RASEF: variants seen among roughly 807,000 people sequenced by gnomAD.
The protein encoded by RASEF is ras and EF-hand domain-containing protein.
In RASEF, 68 loss-of-function variants were observed where a neutral mutation model predicts 90.1. That is an observed-to-expected ratio of 0.75 (90% CI 0.62 to 0.92). RASEF has a LOEUF of 0.92. RASEF is among the 40% of genes least tolerant of loss of function. The pLI, the probability that RASEF is intolerant of heterozygous loss-of-function variation, is 0.00. For missense variants in RASEF, 949 were observed against 937.2 expected (o/e 1.01, Z -0.16); for synonymous variants, 331 against 345.2 (o/e 0.96, Z 0.46).
At chr9:83,060,800 G>A (rs1255909103) in intron 1 of RASEF, among the ~76,000 whole-genome samples, 1 of 152,192 alleles carries the variant, frequency 6.6e-6, no homozygotes, top group Non-Finnish European at 1.5e-5. Flanking sequence ...TCTCACATCA[G>A]GAGGTGAGGC....
chr9:83,169,205 A>T, the RASEF span, among the ~76,000 whole-genome samples: 1 of 151,814 alleles, frequency 6.6e-6, no homozygotes, highest in African/African-American at 2.4e-5. Context: ...TGGCTGAAAA[A>T]TTTTCCATTG....
the RASEF span, among the ~76,000 whole-genome samples, chr9:83,198,013 T>A: frequency 5.3e-5 from 8 of 152,178 alleles, no homozygotes; most frequent in Non-Finnish European, 1.0e-4. Flanking sequence ...AATGTGTACA[T>A]CTCCTCGATG....
intron 4 of RASEF, among the ~76,000 whole-genome samples, chr9:83,013,825 G>A (rs1268081134): frequency 2.0e-5 from 3 of 152,156 alleles, no homozygotes; most frequent in African/African-American, 7.2e-5. Flanking sequence ...GAACTGCAAA[G>A]TCAATAAAAT....
chr9:82,990,040 T>C (rs1372182969), intron 16 of RASEF, among the ~76,000 whole-genome samples: 3 of 152,218 alleles, frequency 2.0e-5, no homozygotes, highest in African/African-American at 7.2e-5. Flanking sequence ...TTTCCCCTTT[T>C]GCCCGGGAAA....
chr9:83,215,363 A>T, the RASEF span, among the ~76,000 whole-genome samples: 1 of 152,168 alleles, frequency 6.6e-6, no homozygotes, highest in Non-Finnish European at 1.5e-5. Flanking sequence ...TGAGCTGGTT[A>T]ACACTCAAGC....
At chr9:83,065,536 A>G (rs976003852), upstream of RASEF, among the ~76,000 whole-genome samples, 7 of 152,226 alleles carry the variant, frequency 4.6e-5, no homozygotes, top group Admixed American at 2.0e-4. Flanking sequence ...TTGACAAGTC[A>G]CATTGGCAAG....
rs371276890 is a variant in RASEF at position 83,031,170 on chromosome 9, G to C, written c.432-5249C>G. Among the ~76,000 whole-genome samples the C allele has an allele frequency of 6.4e-4, 98 of 152,320 alleles. 1 individual carries two copies. The highest frequency in any genetic ancestry group is 2.3e-3 in the African/African-American group (96 of 41,580). On this transcript the variant is annotated intron_variant, in intron 1 of 16. Transcript: ENST00000376447. ...CAGTTCTTTGTTACAGTCAGCTTAAGCTTAGAAAGTTGGCATTATGGTTTC... is the reference window on the plus strand; with the variant it reads ...CAGTTCTTTGTTACAGTCAGCTTAACCTTAGAAAGTTGGCATTATGGTTTC...
chr9:83,077,289 C>T, the RASEF span, among the ~76,000 whole-genome samples: 2,796 of 152,170 alleles, frequency 0.018, 98 homozygotes, highest in African/African-American at 0.065. Flanking sequence ...TCAGCTGCAT[C>T]CAGGGTGACA....
At chr9:83,169,288 T>C in the RASEF span, among the ~76,000 whole-genome samples, 1 of 151,928 alleles carries the variant, frequency 6.6e-6, no homozygotes, top group Non-Finnish European at 1.5e-5. Flanking sequence ...ATCTTGACTA[T>C]TGTGAATAGC....
intron 1 of RASEF, among the ~76,000 whole-genome samples, chr9:83,039,190 C>A (rs892860015): frequency 1.3e-5 from 2 of 152,154 alleles, no homozygotes; most frequent in Admixed American, 6.6e-5. Flanking sequence ...TCCCAAAAGT[C>A]ACCTCTGAAA....
At chr9:83,055,542 T>C (rs757874723) in intron 1 of RASEF, 11 of 714,004 alleles carry the variant, frequency 1.5e-5, no homozygotes, top group Middle Eastern at 2.3e-4. Flanking sequence ...ACCGGAGCTG[T>C]TCCTATTCGG....
intron 16 of RASEF, among the ~76,000 whole-genome samples, chr9:82,985,020 G>T (rs567157587): frequency 6.6e-6 from 1 of 152,172 alleles, no homozygotes; most frequent in Non-Finnish European, 1.5e-5. Context: ...GATTCCAGAT[G>T]CAGGGAACAG....
intron 1 of RASEF, among the ~76,000 whole-genome samples, chr9:83,053,533 A>C (rs1316134525): frequency 7.7e-6 from 1 of 130,500 alleles, no homozygotes; most frequent in Non-Finnish European, 1.5e-5. Context: ...TGCAGAATTT[A>C]GTCCATTTAT....
the RASEF span, among the ~76,000 whole-genome samples, chr9:83,082,473 C>T: frequency 1.3e-5 from 2 of 152,182 alleles, no homozygotes; most frequent in Non-Finnish European, 2.9e-5. Context: ...CACCAGCACA[C>T]CCTATACCAC....
intron 1 of RASEF, among the ~76,000 whole-genome samples, chr9:83,059,279 C>A (rs1372166133): frequency 1.3e-5 from 2 of 148,918 alleles, no homozygotes; most frequent in African/African-American, 5.0e-5. Flanking sequence ...TACACACACA[C>A]ACACACACAC....
chr9:83,158,532 CCA>C, the RASEF span, among the ~76,000 whole-genome samples: 4 of 149,052 alleles, frequency 2.7e-5, no homozygotes, highest in Admixed American at 6.7e-5. Context: ...GTCAAGCTTT[CCA>C]CACACACACA....
chr9:83,094,464 T>A, the RASEF span, among the ~76,000 whole-genome samples: 4 of 152,154 alleles, frequency 2.6e-5, no homozygotes, highest in Admixed American at 2.0e-4. Context: ...AAATTATACA[T>A]GTGGATTGAT....
chr9:83,068,561 A>C, the RASEF span, among the ~76,000 whole-genome samples: 3 of 152,218 alleles, frequency 2.0e-5, no homozygotes, highest in African/African-American at 7.2e-5. Flanking sequence ...ACCTGCCAAC[A>C]ACCTGAATGA....
At chr9:83,173,288 T>C in the RASEF span, among the ~76,000 whole-genome samples, 1 of 152,102 alleles carries the variant, frequency 6.6e-6, no homozygotes, top group South Asian at 2.1e-4. Context: ...TTTCTCTGGG[T>C]TTGGAAAGTT....
Sources: allele counts gnomAD v4.1 joint callset (sites outside exome capture counted in the v4.1 genomes callset), GRCh38; gene constraint gnomAD v4.1.1; transcripts MANE v1.5; gene names NCBI Gene and HGNC (gene_info 2026-07-23, HGNC 2026-07-21).